ZNF33B: variants seen among roughly 807,000 people sequenced by gnomAD.
ZNF33B encodes the protein zinc finger protein 11b (KOX 2).
Under a neutral mutation model 45.8 loss-of-function variants are expected in ZNF33B, and 29 were observed. That is an observed-to-expected ratio of 0.63 (90% CI 0.47 to 0.86). ZNF33B has a LOEUF of 0.86. Ranked by LOEUF, ZNF33B falls within the 40% of genes least tolerant of loss-of-function variation. The pLI is 0.00. For missense variants in ZNF33B, 831 were observed against 909.9 expected, an observed-to-expected ratio of 0.91 and a Z score of 1.12; for synonymous variants, 305 against 307.8, an observed-to-expected ratio of 0.99 and a Z score of 0.10.
At chr10:42,604,921 CAA>C (rs199627927) in intron 4 of ZNF33B, among the ~76,000 whole-genome samples, 3 of 92,280 alleles carry the variant, frequency 3.3e-5, no homozygotes, top group Admixed American at 1.2e-4. Context: ...AATTTCATCT[CAA>C]AAAAAAAAAA....
chr10:42,604,826 C>A (rs1837770338), intron 4 of ZNF33B, among the ~76,000 whole-genome samples: 1 of 151,520 alleles, frequency 6.6e-6, no homozygotes, highest in African/African-American at 2.4e-5. Context: ...GAGGCTGAGG[C>A]AGGAGAATCG....
chr10:42,627,675 A>G (rs1162000005), intron 4 of ZNF33B, among the ~76,000 whole-genome samples: 4 of 152,316 alleles, frequency 2.6e-5, no homozygotes, highest in Middle Eastern at 3.4e-3. Flanking sequence ...AAATTTCTCT[A>G]TCAGCACTGC....
chr10:42,606,036 T>C (rs1477672442), intron 4 of ZNF33B, among the ~76,000 whole-genome samples: 1 of 151,586 alleles, frequency 6.6e-6, no homozygotes, highest in African/African-American at 2.4e-5. Flanking sequence ...AGGTTGAGGC[T>C]GCAATGAGCT....
At chr10:42,575,467 T>G (rs924032991) in intron 1 of ZNF33B, among the ~76,000 whole-genome samples, 1 of 152,102 alleles carries the variant, frequency 6.6e-6, no homozygotes, top group African/African-American at 2.4e-5. Flanking sequence ...ACATTTCTGT[T>G]TTTTTAACCC....
At chr10:42,576,601 A>T (rs1049616931) in intron 1 of ZNF33B, among the ~76,000 whole-genome samples, 1 of 152,132 alleles carries the variant, frequency 6.6e-6, no homozygotes, top group Non-Finnish European at 1.5e-5. Context: ...AGCTTTTCAG[A>T]TGTTACTGTG....
intron 4 of ZNF33B, chr10:42,631,716 G>A (rs1197016070): frequency 1.9e-6 from 1 of 521,494 alleles, no homozygotes; most frequent in Non-Finnish European, 3.4e-6. Context: ...TGTAAGAATG[G>A]TAAACCTTCA....
downstream of ZNF33B, among the ~76,000 whole-genome samples, chr10:42,586,468 G>A (rs760685523): frequency 4.6e-5 from 7 of 151,858 alleles, no homozygotes; most frequent in Admixed American, 1.3e-4. Flanking sequence ...TCAAAGAGAC[G>A]AAGTCTCACT....
Position 42,592,882 on chromosome 10 carries a change from C to A in ZNF33B, c.2068G>T (p.Glu690Ter). The change falls in exon 5 of 5, where the codon GAG becomes TAG. Residue 690 changes from glutamate to a stop codon, truncating the protein, a stop_gained. Transcript: ENST00000359467. LOFTEE classifies it high-confidence loss of function. ...LILHERKHTG[E>*]KPYECNECGK... ...CATTCATTGCATTCATAGGGTTTCT[C>A]CCCCGTGTGCTTTCTCTCATGTAAA... 8 of 1,614,076 alleles carry A rather than the reference C, an allele frequency of 5.0e-6. No individual in the cohort carries two copies. Among genetic ancestry groups the A allele is most frequent in the Non-Finnish European group, 6.8e-6 (8 of 1,179,984 alleles).
downstream of ZNF33B, among the ~76,000 whole-genome samples, chr10:42,584,814 C>T (rs1836898860): frequency 6.6e-6 from 1 of 152,208 alleles, no homozygotes. Flanking sequence ...AGCCATTGTG[C>T]CTGGCCTCAC....
intron 2 of ZNF33B, among the ~76,000 whole-genome samples, chr10:42,634,756 T>C (rs1839212599): frequency 6.6e-6 from 1 of 152,184 alleles, no homozygotes; most frequent in Non-Finnish European, 1.5e-5. Flanking sequence ...ATCCACCTCA[T>C]ACAAAAGTAG....
intron 4 of ZNF33B, among the ~76,000 whole-genome samples, chr10:42,596,618 T>C (rs1837411909): frequency 6.6e-6 from 1 of 152,150 alleles, no homozygotes; most frequent in African/African-American, 2.4e-5. Flanking sequence ...GTCTTCAATT[T>C]CTCTCTGCAG....
downstream of ZNF33B, among the ~76,000 whole-genome samples, chr10:42,585,923 G>A (rs149224062): frequency 6.6e-5 from 10 of 152,284 alleles, no homozygotes; most frequent in East Asian, 1.5e-3. Flanking sequence ...CAAGATGGCT[G>A]TCTTTCCCAC....
At position 42,594,457 on chromosome 10, in the gene ZNF33B, T is replaced by C; in HGVS notation, c.493A>G (p.Lys165Glu). 1.9e-6 allele frequency: 3 copies of C among 1,613,720 alleles called. No homozygotes were observed. The highest frequency in any genetic ancestry group is 2.5e-6 in the Non-Finnish European group (3 of 1,179,840). Residue 165 changes from lysine (K) to glutamate (E), a missense_variant, in exon 5 of 5, where the codon AAA becomes GAA. Transcript: ENST00000359467. Reference protein sequence around the residue: ...LVISKINYLGKKSDEFNACGK... With the variant: ...LVISKINYLGEKSDEFNACGK... Reference sequence around the variant, plus strand: ...CATGCATTAAATTCGTCAGACTTTTTTCCTAAATAGTTTATCTTACTGATA... The same window carrying C: ...CATGCATTAAATTCGTCAGACTTTTCTCCTAAATAGTTTATCTTACTGATA...
chr10:42,582,237 C>T (rs1432782166), intron 1 of ZNF33B: 1 of 152,152 alleles, frequency 6.6e-6, no homozygotes, highest in Non-Finnish European at 1.5e-5. Flanking sequence ...TAGGAGTCTC[C>T]TTATCTAGTA....
intron 2 of ZNF33B, among the ~76,000 whole-genome samples, chr10:42,635,170 G>A (rs573150268): frequency 1.2e-4 from 18 of 152,118 alleles, no homozygotes; most frequent in African/African-American, 4.3e-4. Flanking sequence ...GAGCCCTGAA[G>A]GCAGAGGCTG....
rs747083747 is a variant in ZNF33B, at chr10:42,631,942, G to T, written c.237C>A (p.Ser79Arg). The T allele has an allele frequency of 1.9e-6, 3 of 1,614,008 alleles. No homozygotes were observed. The South Asian group carries it at 3.3e-5, about 18-fold the overall frequency. ...ATATTAACCCACCTGGAAAGCTCTG[G>T]CTTGGGAATTCTTCCTCCAGTCTCC... ...EPWRLEEEFPSQSFPEVWTAD... is the reference protein window; with the variant it reads ...EPWRLEEEFPRQSFPEVWTAD... Residue 79 changes from serine (S) to arginine (R), a missense_variant, in exon 4 of 5, where the codon AGC (serine) becomes AGA (arginine). Coordinates refer to ENST00000359467, the MANE Select transcript of ZNF33B (RefSeq NM_006955.3).
chr10:42,635,017 C>CA (rs1357174581), intron 2 of ZNF33B, among the ~76,000 whole-genome samples: 1 of 152,166 alleles, frequency 6.6e-6, no homozygotes, highest in African/African-American at 2.4e-5. Context: ...GAAGCCAAGG[C>CA]AGGCGAATCA....
chr10:42,585,877 C>T (rs961840563), downstream of ZNF33B, among the ~76,000 whole-genome samples: 1 of 152,134 alleles, frequency 6.6e-6, no homozygotes, highest in Non-Finnish European at 1.5e-5. Context: ...TCCATTGGTG[C>T]CTTAAAACTA....
chr10:42,604,114 C>G (rs1837741919), intron 4 of ZNF33B, among the ~76,000 whole-genome samples: 2 of 152,166 alleles, frequency 1.3e-5, no homozygotes, highest in Admixed American at 6.5e-5. Flanking sequence ...TGAGAAGATC[C>G]AGATATCAGA....
Sources: gnomAD v4.1 joint callset for allele counts (sites outside exome capture counted in the v4.1 genomes callset) on GRCh38, gnomAD v4.1.1 for gene constraint, MANE v1.5 for transcripts, NCBI Gene and HGNC (gene_info 2026-07-23, HGNC 2026-07-21) for gene names.